Variants in DOCK8 observed in about 807,000 individuals in gnomAD.
The protein encoded by DOCK8 is dedicator of cytokinesis protein 8.
DOCK8 carries 141 observed loss-of-function variants against 245.6 expected under a neutral mutation model. That is an observed-to-expected ratio of 0.57 (90% CI 0.50 to 0.66). DOCK8 has a LOEUF of 0.66. Ranked by LOEUF, DOCK8 falls within the 30% of genes least tolerant of loss-of-function variation. The pLI is 0.00. For synonymous variants in DOCK8, 1,168 were observed against 970.2 expected, an observed-to-expected ratio of 1.20 and a Z score of -3.79; for missense variants, 2,965 against 2,603.4, an observed-to-expected ratio of 1.14 and a Z score of -3.02.
intron 1 of DOCK8, among the ~76,000 whole-genome samples, chr9:250,442 A>G (rs1167612953): frequency 2.6e-5 from 4 of 152,166 alleles, no homozygotes; most frequent in African/African-American, 4.8e-5. Flanking sequence ...ACAATAACCT[A>G]TCTACTCTAC....
chr9:285,085 A>G, intron 2 of DOCK8, among the ~76,000 whole-genome samples: 1 of 151,868 alleles, frequency 6.6e-6, no homozygotes, highest in East Asian at 1.9e-4. Context: ...GTACCCCCAA[A>G]CCTAAAAGTT....
rs545911481 is a variant in DOCK8, at chr9:425,421, A to G, written c.4242-1464A>G. ...GTGGCGGGCGCCTGTAGTCCCAGCT[A>G]CTCGGGAGGCTGAAGCAGGAGAATG... is the stretch of plus-strand genomic sequence containing the variant. On this transcript the variant is annotated intron_variant, in intron 33 of 47. Coordinates refer to ENST00000432829, the MANE Select transcript of DOCK8 (RefSeq NM_203447.4). Among the ~76,000 whole-genome samples the G allele has an allele frequency of 2.6e-5, 4 of 151,694 alleles. No homozygotes were observed. The East Asian group carries it at 7.8e-4, about 30-fold the overall frequency.
At chr9:378,231 G>A (rs566215653) in intron 20 of DOCK8, among the ~76,000 whole-genome samples, 2 of 152,350 alleles carry the variant, frequency 1.3e-5, no homozygotes, top group African/African-American at 2.4e-5. Context: ...CTGGGAGGAT[G>A]CAGGAGGTCC....
Position 386,401 on chromosome 9 carries a change from C to T in DOCK8, c.2849C>T (p.Ala950Val). Residue 950 changes from alanine to valine, a missense_variant, in exon 23 of 48, where the codon GCA becomes GTA. Around this residue, in one of 3 missense-constraint regions of DOCK8, gnomAD observed 2,825 missense variants for 2,453.5 expected, o/e 1.15. Coordinates refer to ENST00000432829, the MANE Select transcript of DOCK8 (RefSeq NM_203447.4). ...AGTAGTGATGCTCCAAGTTCACCTG[C>T]AGCCCCAAGGCCAGCCAGCAAAAAG... ...SGSSDAPSSPAAPRPASKKHF... is the reference protein window; with the variant it reads ...SGSSDAPSSPVAPRPASKKHF... 1.9e-6 allele frequency: 3 copies of T among 1,613,752 alleles called. No homozygotes were observed. The highest frequency in any genetic ancestry group is 2.5e-6 in the Non-Finnish European group (3 of 1,179,794).
chr9:446,717 A>T, intron 44 of DOCK8, 111 bp downstream of exon 44: 1 of 939,066 alleles, frequency 1.1e-6, no homozygotes, highest in Non-Finnish European at 1.7e-6. Context: ...GGAGGGATGC[A>T]CTTGAAATAT....
intron 9 of DOCK8, among the ~76,000 whole-genome samples, chr9:329,668 C>T (rs1205004916): frequency 6.6e-6 from 1 of 152,190 alleles, no homozygotes; most frequent in Non-Finnish European, 1.5e-5. Context: ...TCACAATTCT[C>T]TGTCAGCCTA....
At chr9:312,285 A>G (rs1364783107) in intron 6 of DOCK8, 119 bp downstream of exon 6, 4 of 1,236,842 alleles carry the variant, frequency 3.2e-6, no homozygotes, top group Non-Finnish European at 4.6e-6. Flanking sequence ...CACTTGTATG[A>G]TTTCTGGGGC....
intron 3 of DOCK8, among the ~76,000 whole-genome samples, chr9:288,478 G>T (rs1465365552): frequency 6.6e-6 from 1 of 152,196 alleles, no homozygotes; most frequent in Admixed American, 6.5e-5. Context: ...TGCTGATTGA[G>T]AATTAACTGA....
intron 33 of DOCK8, among the ~76,000 whole-genome samples, chr9:425,529 A>G (rs1316614186): frequency 1.4e-5 from 2 of 138,586 alleles, no homozygotes; most frequent in Non-Finnish European, 3.0e-5. Flanking sequence ...ACAGAGGGAG[A>G]CTCCGTCTCA....
chr9:230,295 G>C (rs943874391), intron 1 of DOCK8, among the ~76,000 whole-genome samples: 8 of 126,686 alleles, frequency 6.3e-5, no homozygotes, highest in Non-Finnish European at 1.2e-4. Context: ...TCTTAATCCA[G>C]TCTATCGTTG....
chr9:345,738 G>A (rs867401892), intron 14 of DOCK8, among the ~76,000 whole-genome samples: 7 of 152,042 alleles, frequency 4.6e-5, no homozygotes, highest in East Asian at 3.9e-4. Context: ...GGTGTCCTGC[G>A]TGGGGCACCA....
intron 14 of DOCK8, among the ~76,000 whole-genome samples, chr9:358,360 C>T (rs1163869555): frequency 6.6e-6 from 1 of 152,182 alleles, no homozygotes; most frequent in Non-Finnish European, 1.5e-5. Flanking sequence ...TCCCAAAGTG[C>T]TGGGATTATA....
At chr9:415,940 G>A (rs1306109843) in intron 29 of DOCK8, among the ~76,000 whole-genome samples, 2 of 152,096 alleles carry the variant, frequency 1.3e-5, no homozygotes, top group Non-Finnish European at 2.9e-5. Context: ...ATACTATTAC[G>A]GTGACAAGTA....
intron 24 of DOCK8, among the ~76,000 whole-genome samples, chr9:395,147 C>A (rs1434273704): frequency 6.6e-6 from 1 of 152,130 alleles, no homozygotes; most frequent in African/African-American, 2.4e-5. Flanking sequence ...GGTCTTCTCA[C>A]CAGGTGCATG....
In DOCK8 at chr9:286,482, G is replaced by T. The variant is rs1472799765; in HGVS notation, c.178G>T (p.Glu60Ter). The change falls in exon 3 of 48, where the codon GAG becomes TAG. Residue 60 changes from glutamate (E) to a stop codon, truncating the protein, a stop_gained. Coordinates refer to ENST00000432829, the MANE Select transcript of DOCK8 (RefSeq NM_203447.4). LOFTEE classifies it high-confidence loss of function. ...LQLPQFYDPV[E>*]PVDFEGLLMT... ...CCAGCCTCAGTTTTATGACCCTGTG[G>T]AGCCAGTGGACTTTGAAGGACTTCT... The T allele has an allele frequency of 6.2e-7, 1 of 1,613,916 alleles. No homozygotes were observed. Among genetic ancestry groups the T allele is most frequent in the East Asian group, 2.2e-5 (1 of 44,878 alleles).
Position 404,864 on chromosome 9 carries a change from A to G in DOCK8, c.3235-54A>G, listed in dbSNP as rs74485500. ...GATATTTTTGTGTCTGCCAACCTCAACTCCACTTACCTTGTAATAAATGTT... is the reference window on the plus strand; with the variant it reads ...GATATTTTTGTGTCTGCCAACCTCAGCTCCACTTACCTTGTAATAAATGTT... On this transcript the variant is annotated intron_variant, in intron 26 of 47. Coordinates refer to ENST00000432829, the MANE Select transcript of DOCK8 (RefSeq NM_203447.4). 11,401 of 1,605,584 alleles carry G rather than the reference A, an allele frequency of 7.1e-3. 73 individuals are homozygous for G. The highest frequency in any genetic ancestry group is 8.6e-3 in the Non-Finnish European group (10,145 of 1,174,418).
chr9:333,392 A>G (rs149261889), intron 10 of DOCK8, among the ~76,000 whole-genome samples: 4,762 of 152,202 alleles, frequency 0.031, 217 homozygotes, highest in African/African-American at 0.1. Flanking sequence ...ATGAGGTCAG[A>G]AGATTGAGAC....
intron 1 of DOCK8, among the ~76,000 whole-genome samples, chr9:225,423 T>A (rs542932395): frequency 6.7e-6 from 1 of 150,322 alleles, no homozygotes; most frequent in South Asian, 2.1e-4. Flanking sequence ...AGGGGAGGAG[T>A]GAGGAGGGAG....
chr9:271,559 T>C (rs778649080), intron 1 of DOCK8, 68 bp from the exon 2 acceptor site: 61 of 1,215,606 alleles, frequency 5.0e-5, no homozygotes, highest in Non-Finnish European at 6.7e-5. Context: ...ATATCAAAGA[T>C]TGCATCTAAA....
Sources: allele counts gnomAD v4.1 joint callset (sites outside exome capture counted in the v4.1 genomes callset), GRCh38; gene constraint gnomAD v4.1.1; regional missense constraint gnomAD v4.1.1; transcripts MANE v1.5; gene names NCBI Gene and HGNC (gene_info 2026-07-23, HGNC 2026-07-21).